The following DPEP1 variants were observed in gnomAD, a reference collection of about 807,000 sequenced individuals.
DPEP1 encodes beta-lactamase.
Under a neutral mutation model 42.3 loss-of-function variants are expected in DPEP1, and 50 were observed. The ratio of observed to expected loss-of-function variants is 1.18; its 90% CI spans 0.94 to 1.50. DPEP1 has a LOEUF of 1.50. Ranked by LOEUF, DPEP1 falls within the 40% of genes most tolerant of loss-of-function variation. The pLI is 0.00. For missense variants in DPEP1, 663 were observed against 553.0 expected (o/e 1.20, Z -1.99); for synonymous variants, 297 against 234.0 (o/e 1.27, Z -2.46).
chr16:89,638,471 T>TG, downstream of DPEP1: 2 of 1,300,076 alleles, frequency 1.5e-6, no homozygotes, highest in Admixed American at 7.5e-5. Flanking sequence ...GCTCAGGAGG[T>TG]GGGGTGTTTT....
At position 89,629,872 on chromosome 16, in the gene DPEP1, C is replaced by T. The variant is rs74033810; in HGVS notation, c.-106-433C>T. On this transcript the variant is annotated intron_variant, in intron 1 of 10. Transcript: ENST00000690203. ...CTGGCTGTGCAGCAGCTTCCTGGAA[C>T]GCCCTAATGTTTATCCCCCATGGCA... Among the ~76,000 whole-genome samples, 715 of 152,296 alleles carry T rather than the reference C, an allele frequency of 4.7e-3. 5 individuals carry two copies. Among genetic ancestry groups the T allele is most frequent in the African/African-American group, 0.017 (689 of 41,566 alleles).
intron 1 of DPEP1, among the ~76,000 whole-genome samples, chr16:89,626,215 C>G (rs1020821195): frequency 1.3e-5 from 2 of 152,174 alleles, no homozygotes; most frequent in Non-Finnish European, 2.9e-5. Flanking sequence ...CCACCCAAAT[C>G]TCATCTCAGA....
chr16:89,638,074 C>T lies in DPEP1; in HGVS notation c.1088C>T (p.Pro363Leu), dbSNP rs550518183. ...CAGGCCAGCAACCTCACACAGGCTC[C>T]CGAGGAGGAGCCCATCCCGCTGGAC... is the stretch of plus-strand genomic sequence containing the variant. ...VEQASNLTQA[P>L]EEEPIPLDQL... The change falls in exon 11 of 11, where the codon CCC becomes CTC. Residue 363 changes from proline to leucine, a missense_variant. Transcript: ENST00000690203. 5 of 1,612,250 alleles carry T rather than the reference C, an allele frequency of 3.1e-6. No individual in the cohort carries two copies. The African/African-American group carries it at 6.7e-5, about 21-fold the overall frequency.
chr16:89,615,861 C>G (rs1356053074), intron 1 of DPEP1, among the ~76,000 whole-genome samples: 1 of 152,142 alleles, frequency 6.6e-6, no homozygotes, highest in Non-Finnish European at 1.5e-5. Context: ...GGAGGGAGAC[C>G]AAGCACCAAG....
At chr16:89,618,089 T>A (rs2059400041) in intron 1 of DPEP1, among the ~76,000 whole-genome samples, 1 of 152,184 alleles carries the variant, frequency 6.6e-6, no homozygotes. Flanking sequence ...AAATTTTAAA[T>A]TATTAGCATG....
chr16:89,615,663 C>CCAGGACCCCGCCTTG (rs1181759938), intron 1 of DPEP1, among the ~76,000 whole-genome samples: 3 of 152,210 alleles, frequency 2.0e-5, no homozygotes, highest in Non-Finnish European at 2.9e-5. Context: ...AAGTGAGCCC[C>CCAGGACCCCGCCTTG]CAGGACCCCG....
At chr16:89,631,308 A>C (rs1184841652) in intron 2 of DPEP1, among the ~76,000 whole-genome samples, 3 of 150,938 alleles carry the variant, frequency 2.0e-5, no homozygotes, top group Non-Finnish European at 4.4e-5. Flanking sequence ...GGAGATCCCC[A>C]CTGCCCGGGA....
intron 1 of DPEP1, among the ~76,000 whole-genome samples, chr16:89,616,287 C>G (rs1463919042): frequency 6.6e-6 from 1 of 152,072 alleles, no homozygotes; most frequent in Non-Finnish European, 1.5e-5. Flanking sequence ...GACCTGTGCC[C>G]TGGAAGGACA....
At position 89,630,358 on chromosome 16, in the gene DPEP1, C is replaced by T. The variant is rs1597758601; in HGVS notation, c.-53C>T. On this transcript the variant is annotated 5_prime_UTR_variant, in exon 2 of 11. Transcript: ENST00000690203. ...CATCCTTCTGCACGGGCCAGCCAGGCCAGCACAGAGGCACCAGGGCAGCAG... is the reference window on the plus strand; with the variant it reads ...CATCCTTCTGCACGGGCCAGCCAGGTCAGCACAGAGGCACCAGGGCAGCAG... 1 of 1,500,482 alleles carries T rather than the reference C, an allele frequency of 6.7e-7. No homozygotes were observed. Among genetic ancestry groups the T allele is most frequent in the East Asian group, 2.4e-5 (1 of 42,434 alleles). The allele number at this position is 1,500,482 out of a possible 1,614,324, so 92.9% of individuals were successfully genotyped here.
intron 1 of DPEP1, among the ~76,000 whole-genome samples, chr16:89,616,518 G>C (rs548668902): frequency 6.6e-6 from 1 of 152,166 alleles, no homozygotes; most frequent in African/African-American, 2.4e-5. Flanking sequence ...GTGTATGGCC[G>C]ACCTCGAGGA....
rs147839875 is a variant in DPEP1, at chr16:89,634,201, G to A, written c.105-1707G>A. ...CCTCCTGGGTTCCTGCCATTGTCCT[G>A]CCTCAGCCTCTTGAGTAGCTGGGAC... On this transcript the variant is annotated intron_variant, in intron 2 of 10. Coordinates refer to ENST00000690203, the MANE Select transcript of DPEP1 (RefSeq NM_001389466.1). Among the ~76,000 whole-genome samples, 300 of 147,146 alleles carry A rather than the reference G, an allele frequency of 2.0e-3. 1 individual carries two copies. Among genetic ancestry groups the A allele is most frequent in the Middle Eastern group, 0.015 (4 of 262 alleles).
chr16:89,636,430 G>T, intron 4 of DPEP1, 34 bp downstream of exon 4: 1 of 1,601,700 alleles, frequency 6.2e-7, no homozygotes, highest in Non-Finnish European at 8.5e-7. Context: ...CAGGTCCTGC[G>T]TCTTCTCACC....
chr16:89,630,179 C>G (rs148404676), intron 1 of DPEP1, 126 bp from the exon 2 acceptor site: 4 of 385,430 alleles, frequency 1.0e-5, no homozygotes, highest in African/African-American at 6.4e-5. Flanking sequence ...ATTGAGTGTC[C>G]GGCCTTCCAT....
At chr16:89,616,105 C>T (rs1597737696) in intron 1 of DPEP1, among the ~76,000 whole-genome samples, 1 of 151,414 alleles carries the variant, frequency 6.6e-6, no homozygotes, top group East Asian at 1.9e-4. Flanking sequence ...ATTTAAAATG[C>T]TCCCTGAACT....
At chr16:89,634,338 C>T (rs922552517) in intron 2 of DPEP1, among the ~76,000 whole-genome samples, 4 of 152,096 alleles carry the variant, frequency 2.6e-5, no homozygotes, top group Non-Finnish European at 2.9e-5. Flanking sequence ...CTGCCCACCT[C>T]GGCCTCCCAA....
At chr16:89,641,085 T>C (rs55839877), downstream of DPEP1, among the ~76,000 whole-genome samples, 10,921 of 152,286 alleles carry the variant, frequency 0.072, 640 homozygotes, top group Middle Eastern at 0.11. Flanking sequence ...TCAAAGACTT[T>C]AGTACTTTCA....
intron 2 of DPEP1, among the ~76,000 whole-genome samples, chr16:89,634,094 T>TTCTTC: frequency 7.1e-6 from 1 of 140,946 alleles, no homozygotes; most frequent in African/African-American, 2.8e-5. Flanking sequence ...TCTTCTTCTT[T>TTCTTC]TTTTTTTTTT....
Position 89,638,359 on chromosome 16 carries a change from TGG to T in DPEP1, c.*142_*143del. ...TCCTGAGAGGACGCCTGGGCTTACC[TGG>T]GGGGCAGGATGCCTGGGGACAGTTC... On this transcript the variant is annotated 3_prime_UTR_variant, in exon 11 of 11. Transcript: ENST00000690203. 1.4e-6 allele frequency: 2 copies of T among 1,423,850 alleles called. No individual in the cohort carries two copies. Among genetic ancestry groups the T allele is most frequent in the South Asian group, 3.1e-5 (2 of 64,362 alleles). The allele number at this position is 1,423,850 out of a possible 1,614,324, so 88.2% of individuals were successfully genotyped here.
intron 4 of DPEP1, 62 bp from the exon 5 acceptor site, chr16:89,636,471 C>T (rs1301442279): frequency 6.3e-7 from 1 of 1,596,854 alleles, no homozygotes; most frequent in Non-Finnish European, 8.5e-7. Flanking sequence ...AGGTGCCGGT[C>T]AGGACACCTC....
Sources: allele counts gnomAD v4.1 joint callset (sites outside exome capture counted in the v4.1 genomes callset), GRCh38; gene constraint gnomAD v4.1.1; transcripts MANE v1.5; gene names NCBI Gene and HGNC (gene_info 2026-07-23, HGNC 2026-07-21).